Variants in FKBP6 observed in about 807,000 individuals in gnomAD.
FKBP6 encodes the protein inactive peptidyl-prolyl cis-trans isomerase FKBP6.
In FKBP6, 29 loss-of-function variants were observed where a neutral mutation model predicts 41.7. The observed-to-expected ratio is 0.70, with a 90% CI of 0.52 to 0.95. The LOEUF is 0.95. FKBP6 is among the 40% of genes least tolerant of loss of function. FKBP6 has a pLI of 0.00. For missense variants in FKBP6, 338 were observed against 408.7 expected (o/e 0.83, Z 1.49); for synonymous variants, 130 against 165.1 (o/e 0.79, Z 1.63).
At chr7:73,352,951 C>T (rs17339094) in intron 8 of FKBP6, among the ~76,000 whole-genome samples, 4,136 of 152,256 alleles carry the variant, frequency 0.027, 68 homozygotes, top group South Asian at 0.042. Context: ...GCCATGAATG[C>T]GAGCAAATCT....
intron 8 of FKBP6, 79 bp from the exon 9 acceptor site, chr7:73,358,102 G>C (rs1805686039): frequency 6.6e-6 from 1 of 151,992 alleles, no homozygotes. Flanking sequence ...TCAGCTGCTA[G>C]CCCTCAGCAC....
intron 8 of FKBP6, among the ~76,000 whole-genome samples, chr7:73,346,572 A>G (rs540267939): frequency 2.6e-5 from 4 of 152,100 alleles, no homozygotes; most frequent in African/African-American, 7.2e-5. Context: ...GTGGCATTCT[A>G]TAGGGCATTA....
In FKBP6 at chr7:73,341,374, A is replaced by G. The variant is rs782482354; in HGVS notation, c.885A>G (p.Lys295=). The change falls in exon 7 of 9, where the codon AAA becomes AAG. Residue 295 remains lysine, a synonymous_variant. Transcript: ENST00000252037. ...ATGACATCAATAATGAGCTGAAGAA[A>G]CTGGCTAGGTGAGCTGTGTTTGCAG... ...FNHDINNELK[K]LASCYRDYVD... The G allele has an allele frequency of 8.1e-6, 13 of 1,597,312 alleles. No homozygotes were observed. In the South Asian group the frequency reaches 1.4e-4, roughly 18 times the overall value.
chr7:73,349,997 A>G (rs1805445397), intron 8 of FKBP6, among the ~76,000 whole-genome samples: 1 of 152,180 alleles, frequency 6.6e-6, no homozygotes, highest in Non-Finnish European at 1.5e-5. Flanking sequence ...TTAGCATACA[A>G]AGAAACACCC....
intron 8 of FKBP6, among the ~76,000 whole-genome samples, chr7:73,355,624 T>C (rs1439543537): frequency 6.6e-6 from 1 of 151,018 alleles, no homozygotes; most frequent in African/African-American, 2.4e-5. Flanking sequence ...ATTATGGACA[T>C]TTTCAAACGT....
In FKBP6 at chr7:73,355,169, T is replaced by G. The variant is rs1176590922; in HGVS notation, c.*3-3012T>G. On this transcript the variant is annotated intron_variant, in intron 8 of 8. Transcript: ENST00000252037. ...TCCGAGGCCTGGGGCCCACCCGCCG[T>G]GGAAGCAGCCTGGTTCGTAGGAATG... Among the ~76,000 whole-genome samples, 3 of 152,252 alleles carry G rather than the reference T, an allele frequency of 2.0e-5. No individual in the cohort carries two copies. In the East Asian group the frequency reaches 5.8e-4, roughly 29 times the overall value.
At chr7:73,346,614 C>T (rs1380422910) in intron 8 of FKBP6, among the ~76,000 whole-genome samples, 3 of 152,178 alleles carry the variant, frequency 2.0e-5, no homozygotes, top group African/African-American at 7.2e-5. Flanking sequence ...CAGAGCTGAG[C>T]TGCTCTGAGG....
intron 8 of FKBP6, among the ~76,000 whole-genome samples, chr7:73,343,821 A>G (rs951976037): frequency 2.6e-5 from 4 of 152,230 alleles, no homozygotes; most frequent in Non-Finnish European, 4.4e-5. Context: ...TCAAACAAGG[A>G]ACAACAAGAA....
At position 73,328,194 on chromosome 7, in the gene FKBP6, C is replaced by A. The variant is rs1308845804; in HGVS notation, c.-235C>A. On this transcript the variant is annotated 5_prime_UTR_variant, in exon 1 of 9. Coordinates refer to ENST00000252037, the MANE Select transcript of FKBP6 (RefSeq NM_003602.5). ...TCGTGCGCTCCCATTACGGATCATA[C>A]CTCGCACCTCACCGCGTGGCCTCTG... 9 of 1,547,832 alleles carry A rather than the reference C, an allele frequency of 5.8e-6. No individual in the cohort carries two copies. The highest frequency in any genetic ancestry group is 2.7e-5 in the African/African-American group (2 of 72,954).
chr7:73,352,057 C>G (rs1805504569), intron 8 of FKBP6, among the ~76,000 whole-genome samples: 1 of 152,140 alleles, frequency 6.6e-6, no homozygotes, highest in African/African-American at 2.4e-5. Context: ...CTGCAGCCTC[C>G]TGGGCTCAGG....
At chr7:73,356,708 A>C (rs1397796883) in intron 8 of FKBP6, among the ~76,000 whole-genome samples, 1 of 152,218 alleles carries the variant, frequency 6.6e-6, no homozygotes, top group Non-Finnish European at 1.5e-5. Context: ...TTCTATCAGC[A>C]GTTTCACTGC....
Position 73,328,309 on chromosome 7 carries a change from C to T in FKBP6, c.-120C>T. ...CTCGTGGCCCCAGAATGGAATGCCG[C>T]CGTCGGTAGGGGTCTGCCGGGCATA... On this transcript the variant is annotated 5_prime_UTR_variant, in exon 1 of 9. Transcript: ENST00000252037. 2.6e-6 allele frequency: 4 copies of T among 1,549,266 alleles called. No homozygotes were observed. The highest frequency in any genetic ancestry group is 8.7e-7 in the Non-Finnish European group (1 of 1,146,606).
chr7:73,348,287 T>A (rs1352559948), intron 8 of FKBP6, among the ~76,000 whole-genome samples: 1 of 152,218 alleles, frequency 6.6e-6, no homozygotes, highest in Non-Finnish European at 1.5e-5. Flanking sequence ...TTTTTCATAA[T>A]GCCACACCTT....
At chr7:73,336,139 C>T (rs2115863390) in intron 5 of FKBP6, among the ~76,000 whole-genome samples, 1 of 152,284 alleles carries the variant, frequency 6.6e-6, no homozygotes, top group South Asian at 2.1e-4. Flanking sequence ...ATGTTGAAAC[C>T]TAATCATCCA....
intron 7 of FKBP6, among the ~76,000 whole-genome samples, chr7:73,342,249 A>C (rs1018844614): frequency 6.6e-6 from 1 of 152,230 alleles, no homozygotes; most frequent in African/African-American, 2.4e-5. Flanking sequence ...CCATAACTCC[A>C]TCACTTGGTA....
At chr7:73,351,263 C>G (rs1385779472) in intron 8 of FKBP6, among the ~76,000 whole-genome samples, 2 of 152,184 alleles carry the variant, frequency 1.3e-5, no homozygotes, top group African/African-American at 2.4e-5. Flanking sequence ...CTCCTAACCT[C>G]AAGTGATTCA....
At chr7:73,338,458 G>C (rs2353064) in intron 5 of FKBP6, among the ~76,000 whole-genome samples, 20,815 of 152,246 alleles carry the variant, frequency 0.14, 1,639 homozygotes, top group East Asian at 0.28. Flanking sequence ...TGTACAAGTT[G>C]TCGTGTGAAC....
At chr7:73,344,528 C>G (rs17338876) in intron 8 of FKBP6, among the ~76,000 whole-genome samples, 4,054 of 152,134 alleles carry the variant, frequency 0.027, 64 homozygotes, top group South Asian at 0.042. Context: ...TATTTGAGGC[C>G]TAGTCATTTA....
chr7:73,342,869 GC>G lies in FKBP6; in HGVS notation c.957del (p.Asp320MetfsTer58). ...EMWHRMFAPC[G>X]DGSTAGES ...TGGCACCGCATGTTCGCGCCCTGTGGCGATGGTTCTACAGCAGGAGAAAGTT... is the reference window on the plus strand; with the variant it reads ...TGGCACCGCATGTTCGCGCCCTGTGGGATGGTTCTACAGCAGGAGAAAGTT... On this transcript the variant is annotated frameshift_variant, in exon 8 of 9. Transcript: ENST00000252037. LOFTEE classifies it high-confidence loss of function. The G allele has an allele frequency of 6.2e-7, 1 of 1,613,986 alleles. No individual in the cohort carries two copies. The highest frequency in any genetic ancestry group is 8.5e-7 in the Non-Finnish European group (1 of 1,179,802).
Sources: allele counts gnomAD v4.1 joint callset (sites outside exome capture counted in the v4.1 genomes callset), GRCh38; gene constraint gnomAD v4.1.1; transcripts MANE v1.5; gene names NCBI Gene and HGNC (gene_info 2026-07-23, HGNC 2026-07-21).